FGF14: variants seen among roughly 807,000 people sequenced by gnomAD.
The protein encoded by FGF14 is fibroblast growth factor homologous factor 4.
In FGF14, 5 loss-of-function variants were observed where a neutral mutation model predicts 25.5. That is an observed-to-expected ratio of 0.20 (90% CI 0.10 to 0.41). The LOEUF (loss-of-function observed/expected upper bound fraction) is 0.41, where lower values mean the gene tolerates loss of function less well. Among genes scored for constraint, FGF14 ranks in the 10% least tolerant of loss-of-function variants. The pLI is 1.00. For missense variants in FGF14, 222 were observed against 320.1 expected (o/e 0.69, Z 2.34); for synonymous variants, 138 against 118.3 (o/e 1.17, Z -1.08).
chr13:102,399,449 C>A (rs538409279), intron 1 of FGF14, among the ~76,000 whole-genome samples: 1 of 152,228 alleles, frequency 6.6e-6, no homozygotes, highest in Non-Finnish European at 1.5e-5. Context: ...CAGTGTAAAG[C>A]AGTCACCCCT....
At chr13:101,910,013 C>A (rs1003604018) in intron 1 of FGF14, among the ~76,000 whole-genome samples, 6 of 151,498 alleles carry the variant, frequency 4.0e-5, no homozygotes, top group Non-Finnish European at 7.4e-5. Flanking sequence ...AAACACCGCA[C>A]GTTCTCACTC....
chr13:102,218,545 G>GA (rs1170638654), intron 1 of FGF14, among the ~76,000 whole-genome samples: 1 of 151,736 alleles, frequency 6.6e-6, no homozygotes, highest in East Asian at 1.9e-4. Flanking sequence ...AATATTAGAG[G>GA]AAAAATCCCA....
At chr13:102,398,013 AGTGTGTGTGTGTGTGTGTGT>A (rs3067869) in intron 1 of FGF14, among the ~76,000 whole-genome samples, 2 of 147,152 alleles carry the variant, frequency 1.4e-5, no homozygotes, top group Non-Finnish European at 3.0e-5. Flanking sequence ...GACATTTAAG[AGTGTGTGTGTGTGTGTGTGT>A]GTGTGTGTGT....
intron 1 of FGF14, among the ~76,000 whole-genome samples, chr13:102,276,119 C>T (rs114000503): frequency 0.012 from 1,800 of 151,618 alleles, 32 homozygotes; most frequent in African/African-American, 0.041. Flanking sequence ...CAGTCTGAGA[C>T]GTAGTTTTTC....
intron 1 of FGF14, among the ~76,000 whole-genome samples, chr13:102,266,365 C>T (rs1424597104): frequency 6.6e-6 from 1 of 151,962 alleles, no homozygotes; most frequent in East Asian, 1.9e-4. Context: ...AATTGCATAC[C>T]GAGGTCACCA....
chr13:102,185,104 A>C (rs184101966), intron 1 of FGF14, among the ~76,000 whole-genome samples: 31 of 152,308 alleles, frequency 2.0e-4, no homozygotes, highest in Admixed American at 1.8e-3. Context: ...TTAAAAATAC[A>C]CTAAGAAATT....
intron 1 of FGF14, among the ~76,000 whole-genome samples, chr13:101,936,605 A>G (rs2035123109): frequency 6.6e-6 from 1 of 152,166 alleles, no homozygotes; most frequent in Non-Finnish European, 1.5e-5. Flanking sequence ...AAGATCTAGA[A>G]TGTAGGACCA....
intron 1 of FGF14, among the ~76,000 whole-genome samples, chr13:102,313,776 G>A (rs940911395): frequency 6.6e-6 from 1 of 152,090 alleles, no homozygotes; most frequent in Non-Finnish European, 1.5e-5. Context: ...TCATTTCTAT[G>A]GAAAATCATT....
At chr13:102,025,565 T>C (rs112642928) in intron 1 of FGF14, among the ~76,000 whole-genome samples, 5,229 of 151,970 alleles carry the variant, frequency 0.034, 303 homozygotes, top group African/African-American at 0.12. Context: ...TGTGCCACCA[T>C]GCCTGAGTAA....
intron 1 of FGF14, among the ~76,000 whole-genome samples, chr13:101,964,818 T>C (rs2037085005): frequency 6.6e-6 from 1 of 152,218 alleles, no homozygotes; most frequent in South Asian, 2.1e-4. Flanking sequence ...TTATTCAGGA[T>C]ACAAATAGTT....
At chr13:102,021,302 C>A (rs1267051659) in intron 1 of FGF14, among the ~76,000 whole-genome samples, 1 of 152,002 alleles carries the variant, frequency 6.6e-6, no homozygotes, top group South Asian at 2.1e-4. Context: ...AAACATTCTA[C>A]TTAGCTCATT....
chr13:101,781,579 A>G (rs887147819), intron 3 of FGF14, among the ~76,000 whole-genome samples: 3 of 152,230 alleles, frequency 2.0e-5, no homozygotes, highest in African/African-American at 7.2e-5. Flanking sequence ...ATTAAAAAAT[A>G]TGGAGTATCT....
At chr13:102,048,403 T>A (rs1361202610) in intron 1 of FGF14, among the ~76,000 whole-genome samples, 1 of 152,198 alleles carries the variant, frequency 6.6e-6, no homozygotes, top group Non-Finnish European at 1.5e-5. Flanking sequence ...TAGTATACGG[T>A]AACTATCATT....
Position 101,717,907 on chromosome 13 carries a change from A to T in FGF14, c.*4924T>A, listed in dbSNP as rs1466548752. 6.6e-6 allele frequency: 1 copy of T among 152,144 alleles called. No individual in the cohort carries two copies. Among genetic ancestry groups the T allele is most frequent in the Non-Finnish European group, 1.5e-5 (1 of 68,012 alleles). The allele number at this position is 152,144 out of a possible 1,614,324, so 9.4% of individuals were successfully genotyped here. On this transcript the variant is annotated 3_prime_UTR_variant, in exon 5 of 5. Transcript: ENST00000376143. Reference sequence around the variant, plus strand: ...TATTATCCTTTTTATTAACAACAACAACTACAACAAAAGTGCTGCTCTTTT... The same window carrying T: ...TATTATCCTTTTTATTAACAACAACTACTACAACAAAAGTGCTGCTCTTTT...
intron 1 of FGF14, among the ~76,000 whole-genome samples, chr13:101,906,529 G>A (rs1316068040): frequency 6.6e-6 from 1 of 152,076 alleles, no homozygotes; most frequent in African/African-American, 2.4e-5. Context: ...TCAAAAGAAA[G>A]AGAATTGTTG....
chr13:101,834,188 T>C (rs1437263167), intron 3 of FGF14, among the ~76,000 whole-genome samples: 1 of 152,122 alleles, frequency 6.6e-6, no homozygotes, highest in Non-Finnish European at 1.5e-5. Flanking sequence ...ATTTGATGCA[T>C]TCTCTCTGAT....
At position 101,941,039 on chromosome 13, in the gene FGF14, C is replaced by G. The variant is rs552065893; in HGVS notation, c.209-65743G>C. On this transcript the variant is annotated intron_variant, in intron 1 of 4. Transcript: ENST00000376131. ...TTGATCCTGCAGGTCAAGTGAAAAC[C>G]TGAAGGGTCACAGAAGAATAAACAC... 2.0e-5 allele frequency among the ~76,000 whole-genome samples: 3 copies of G among 152,178 alleles called. No individual in the cohort carries two copies. In the South Asian group the frequency reaches 6.2e-4, roughly 32 times the overall value.
intron 3 of FGF14, among the ~76,000 whole-genome samples, chr13:101,782,986 T>C (rs2039599209): frequency 6.6e-6 from 1 of 152,198 alleles, no homozygotes; most frequent in Non-Finnish European, 1.5e-5. Flanking sequence ...TAATTTACAC[T>C]CCCACCAACA....
At chr13:101,911,357 A>G (rs1238901816) in intron 1 of FGF14, among the ~76,000 whole-genome samples, 1 of 152,164 alleles carries the variant, frequency 6.6e-6, no homozygotes, top group Admixed American at 6.5e-5. Flanking sequence ...TTTCTTCACC[A>G]GACAGTTGGC....
Sources: allele counts gnomAD v4.1 joint callset (sites outside exome capture counted in the v4.1 genomes callset), GRCh38; gene constraint gnomAD v4.1.1; transcripts MANE v1.5; gene names NCBI Gene and HGNC (gene_info 2026-07-23, HGNC 2026-07-21).